The following LRPPRC variants were observed in gnomAD, a reference collection of about 807,000 sequenced individuals.
LRPPRC encodes the protein leucine rich pentatricopeptide repeat containing.
In LRPPRC, 120 loss-of-function variants were observed where a neutral mutation model predicts 180.3. The ratio of observed to expected loss-of-function variants is 0.67; its 90% CI spans 0.57 to 0.77. The LOEUF (loss-of-function observed/expected upper bound fraction) is 0.77, where lower values mean the gene tolerates loss of function less well. Among genes scored for constraint, LRPPRC ranks in the 30% least tolerant of loss-of-function variants. The pLI is 0.00. For synonymous variants in LRPPRC, 723 were observed against 600.0 expected (o/e 1.21, Z -3.00); for missense variants, 2,012 against 1,657.2 (o/e 1.21, Z -3.72).
Position 43,904,654 on chromosome 2 carries a change from C to G in LRPPRC, c.3364+1038G>C, listed in dbSNP as rs369487754. The G allele has an allele frequency of 1.5e-4, 22 of 146,584 alleles. No homozygotes were observed. The East Asian group carries it at 4.5e-3, about 30-fold the overall frequency. 9.1% of individuals were successfully genotyped at this position (146,584 alleles called of 1,614,324 possible). A position where few individuals can be genotyped will look rare whatever the true frequency, so the allele number is the denominator to read the frequency against. On this transcript the variant is annotated intron_variant, in intron 31 of 37. Coordinates refer to ENST00000260665, the MANE Select transcript of LRPPRC (RefSeq NM_133259.4). Reference sequence around the variant, plus strand: ...GTTGCAGTGAGCCGCGATCCCACCACTGTACTCTAGCCTGGGCAACAGAAT... The same window carrying G: ...GTTGCAGTGAGCCGCGATCCCACCAGTGTACTCTAGCCTGGGCAACAGAAT...
intron 25 of LRPPRC, among the ~76,000 whole-genome samples, chr2:43,928,769 A>T (rs1413225291): frequency 6.6e-6 from 1 of 152,182 alleles, no homozygotes; most frequent in South Asian, 2.1e-4. Flanking sequence ...CTCTTAAAAA[A>T]AAAAGAAAAC....
In LRPPRC at chr2:43,934,306, AGAGAAAAAAATATATATATTAG is replaced by A. The variant is rs1558966046; in HGVS notation, c.2630-32_2630-11del. 2.9e-6 allele frequency: 4 copies of A among 1,363,786 alleles called. No homozygotes were observed. The highest frequency in any genetic ancestry group is 1.7e-5 in the Admixed American group (1 of 59,438). The allele number at this position is 1,363,786 out of a possible 1,614,324, so 84.5% of individuals were successfully genotyped here. On this transcript the variant is annotated splice_polypyrimidine_tract_variant and intron_variant, in intron 24 of 37. Transcript: ENST00000260665. ...CTCACAAAGTCCATTGCTAGGTAGG[AGAGAAAAAAATATATATATTAG>A]GAGAAAAAAAAACCCAGAAAAACAG...
chr2:43,911,523 C>CTTTTTT (rs531172761), intron 30 of LRPPRC, among the ~76,000 whole-genome samples: 132 of 92,318 alleles, frequency 1.4e-3, no homozygotes, highest in Middle Eastern at 6.3e-3. Context: ...TCTTCTTCTT[C>CTTTTTT]TTTTTTTTTT....
chr2:43,993,421 A>G (rs1674873869), intron 1 of LRPPRC, among the ~76,000 whole-genome samples: 1 of 152,212 alleles, frequency 6.6e-6, no homozygotes, highest in Non-Finnish European at 1.5e-5. Flanking sequence ...TCAATAAGAT[A>G]ATAATGGCCT....
At chr2:43,990,978 T>C (rs1181309729) in intron 1 of LRPPRC, among the ~76,000 whole-genome samples, 1 of 151,802 alleles carries the variant, frequency 6.6e-6, no homozygotes, top group Non-Finnish European at 1.5e-5. Context: ...CCCAAGTAGC[T>C]GGGATTACAG....
intron 14 of LRPPRC, among the ~76,000 whole-genome samples, chr2:43,954,658 T>C (rs964865504): frequency 2.6e-5 from 4 of 152,196 alleles, no homozygotes; most frequent in African/African-American, 9.7e-5. Context: ...ATATAATATA[T>C]ATGTACACAC....
intron 1 of LRPPRC, among the ~76,000 whole-genome samples, chr2:43,983,348 C>T (rs1313851381): frequency 6.6e-6 from 1 of 150,902 alleles, no homozygotes; most frequent in Non-Finnish European, 1.5e-5. Flanking sequence ...AAAAACACCA[C>T]AATTTTTAGA....
chr2:43,963,621 A>G lies in LRPPRC; in HGVS notation c.1455T>C (p.Phe485=). 1 of 1,611,426 alleles carries G rather than the reference A, an allele frequency of 6.2e-7. No homozygotes were observed. The highest frequency in any genetic ancestry group is 8.5e-7 in the Non-Finnish European group (1 of 1,177,634). The part of the protein sequence containing the change: ...ETYTDYVIPC[F]DSVNSARAIL... The stretch of plus-strand genomic sequence containing the variant: ...TGGCTCGTGCTGAGTTTACACTATC[A>G]AAGCATGGAATCACATAATCTGTAT... The change falls in exon 12 of 38, where the codon TTT becomes TTC. Residue 485 remains phenylalanine, a synonymous_variant. Coordinates refer to ENST00000260665, the MANE Select transcript of LRPPRC (RefSeq NM_133259.4).
intron 30 of LRPPRC, among the ~76,000 whole-genome samples, chr2:43,911,505 TTTCTTC>T (rs202191599): frequency 3.3e-4 from 45 of 135,286 alleles, no homozygotes; most frequent in South Asian, 9.9e-4. Context: ...TTCCTTTTCT[TTTCTTC>T]TTCTTCTTCT....
chr2:43,976,188 G>A lies in LRPPRC; in HGVS notation c.692C>T (p.Thr231Ile). The stretch of plus-strand genomic sequence containing the variant: ...CACAAGGGCACTGAATACTGCCTCT[G>A]TAACTGGGAGATCCTTAGTTTTCAT... ...GFMKTKDLPVTEAVFSALVTG... is the reference protein window; with the variant it reads ...GFMKTKDLPVIEAVFSALVTG... The change falls in exon 6 of 38, where the codon ACA (threonine) becomes ATA (isoleucine). Residue 231 changes from threonine to isoleucine, a missense_variant. By Grantham distance (89) the Thr-to-Ile change is moderately conservative. Coordinates refer to ENST00000260665, the MANE Select transcript of LRPPRC (RefSeq NM_133259.4). 6.2e-7 allele frequency: 1 copy of A among 1,612,514 alleles called. No homozygotes were observed. Among genetic ancestry groups the A allele is most frequent in the Non-Finnish European group, 8.5e-7 (1 of 1,178,564 alleles).
chr2:43,905,359 G>C (rs899849529), intron 31 of LRPPRC, among the ~76,000 whole-genome samples: 1 of 152,142 alleles, frequency 6.6e-6, no homozygotes, highest in East Asian at 1.9e-4. Context: ...AATGACTTGT[G>C]CTGTGAATTT....
upstream of LRPPRC, chr2:43,996,146 G>C: frequency 1.8e-6 from 1 of 542,954 alleles, no homozygotes; most frequent in Non-Finnish European, 3.2e-6. Context: ...TTACATAAAC[G>C]ATGTTGCTTG....
intron 3 of LRPPRC, among the ~76,000 whole-genome samples, chr2:43,978,109 G>T (rs868471428): frequency 1.3e-5 from 2 of 152,052 alleles, no homozygotes; most frequent in African/African-American, 4.8e-5. Flanking sequence ...CACATATAGT[G>T]GCTCACTCAA....
chr2:43,953,657 G>A (rs7587561), intron 14 of LRPPRC, among the ~76,000 whole-genome samples: 81,840 of 152,084 alleles, frequency 0.54, 24,173 homozygotes, highest in East Asian at 0.96. Flanking sequence ...GGGAGACGCA[G>A]AGCACCTAGC....
At chr2:43,986,582 G>A (rs747833769) in intron 1 of LRPPRC, among the ~76,000 whole-genome samples, 3 of 152,186 alleles carry the variant, frequency 2.0e-5, no homozygotes, top group African/African-American at 7.2e-5. Flanking sequence ...TTTATCAGGT[G>A]TTTAATTTGT....
At chr2:43,916,726 G>T (rs1461540075) in intron 29 of LRPPRC, among the ~76,000 whole-genome samples, 2 of 152,002 alleles carry the variant, frequency 1.3e-5, no homozygotes, top group Non-Finnish European at 2.9e-5. Context: ...GGCCGAGGTG[G>T]GAGGACCACT....
chr2:43,991,977 C>T (rs138072983), intron 1 of LRPPRC, among the ~76,000 whole-genome samples: 6 of 152,324 alleles, frequency 3.9e-5, no homozygotes, highest in Admixed American at 2.6e-4. Flanking sequence ...AAACATTTGA[C>T]ACCTACTATA....
At chr2:43,918,507 T>A in intron 27 of LRPPRC, 109 bp from the exon 28 acceptor site, 1 of 894,654 alleles carries the variant, frequency 1.1e-6, no homozygotes, top group Non-Finnish European at 1.8e-6. Context: ...TTATTCCAAA[T>A]GCTGCCTTTA....
intron 11 of LRPPRC, among the ~76,000 whole-genome samples, chr2:43,971,268 A>C (rs1673791775): frequency 3.3e-5 from 5 of 151,978 alleles, no homozygotes; most frequent in Admixed American, 3.3e-4. Context: ...TTATTTCCTG[A>C]AAGTCAGGCC....
Sources: gnomAD v4.1 joint callset for allele counts (sites outside exome capture counted in the v4.1 genomes callset) on GRCh38, gnomAD v4.1.1 for gene constraint, MANE v1.5 for transcripts, NCBI Gene and HGNC (gene_info 2026-07-23, HGNC 2026-07-21) for gene names.